BABAM2: variants seen among roughly 807,000 people sequenced by gnomAD.
BABAM2 encodes BRISC and BRCA1-A complex member 2.
BABAM2 carries 31 observed loss-of-function variants against 54.7 expected under a neutral mutation model. The ratio of observed to expected loss-of-function variants is 0.57; its 90% CI spans 0.43 to 0.77. BABAM2 has a LOEUF of 0.77. BABAM2 is among the 30% of genes least tolerant of loss of function. The pLI is 0.00. For missense variants in BABAM2, 364 were observed against 455.8 expected (o/e 0.80, Z 1.83); for synonymous variants, 167 against 162.9 (o/e 1.03, Z -0.19).
rs376605001 is a variant in BABAM2 at position 28,025,214 on chromosome 2, C to T, written c.301-12C>T. 1.5e-5 allele frequency: 23 copies of T among 1,567,370 alleles called. No individual in the cohort carries two copies. The African/African-American group carries it at 1.9e-4, about 13-fold the overall frequency. ...GTTTTAACTGGTCTTTTATTTGTTA[C>T]GACTTCTACAGAATCTTGCCTCCTG... On this transcript the variant is annotated splice_polypyrimidine_tract_variant and intron_variant, in intron 4 of 11. Transcript: ENST00000379624.
intron 1 of BABAM2, among the ~76,000 whole-genome samples, chr2:27,893,434 TTTG>T (rs1384605561): frequency 1.3e-5 from 2 of 152,214 alleles, no homozygotes; most frequent in Non-Finnish European, 2.9e-5. Context: ...CAAGTAGATT[TTTG>T]TTATATCTCT....
intron 7 of BABAM2, among the ~76,000 whole-genome samples, chr2:28,168,170 C>G (rs182981216): frequency 6.6e-6 from 1 of 152,160 alleles, no homozygotes; most frequent in Non-Finnish European, 1.5e-5. Context: ...GTAGAAGCTG[C>G]CTTTAACAAG....
chr2:27,910,506 T>C (rs1427992350), intron 2 of BABAM2, among the ~76,000 whole-genome samples: 1 of 152,206 alleles, frequency 6.6e-6, no homozygotes, highest in Non-Finnish European at 1.5e-5. Flanking sequence ...AACAGACTTG[T>C]GTAACTAGCA....
chr2:28,168,149 GT>G (rs1673914688), intron 7 of BABAM2, among the ~76,000 whole-genome samples: 1 of 152,152 alleles, frequency 6.6e-6, no homozygotes, highest in African/African-American at 2.4e-5. Context: ...AGGTGTTCCC[GT>G]GGTCTAGACG....
intron 7 of BABAM2, among the ~76,000 whole-genome samples, chr2:28,133,486 C>T (rs1390869423): frequency 6.6e-6 from 1 of 152,144 alleles, no homozygotes; most frequent in Non-Finnish European, 1.5e-5. Flanking sequence ...AGTCCCAAGC[C>T]CCATGCAGTG....
intron 3 of BABAM2, among the ~76,000 whole-genome samples, chr2:27,947,562 CATT>C (rs983117584): frequency 1.3e-5 from 2 of 152,058 alleles, no homozygotes; most frequent in African/African-American, 4.8e-5. Flanking sequence ...GGATTCTTAT[CATT>C]GAGTTTTGAG....
intron 6 of BABAM2, among the ~76,000 whole-genome samples, chr2:28,087,959 T>C (rs115916437): frequency 2.0e-5 from 3 of 152,240 alleles, no homozygotes; most frequent in Non-Finnish European, 4.4e-5. Flanking sequence ...CGAGGTTTTG[T>C]TTCTAATAAA....
intron 7 of BABAM2, among the ~76,000 whole-genome samples, chr2:28,183,512 TAA>T (rs1187024347): frequency 6.6e-6 from 1 of 152,144 alleles, no homozygotes; most frequent in Non-Finnish European, 1.5e-5. Context: ...AGGCCTGAAG[TAA>T]GCGAGCAATA....
chr2:27,974,584 TA>T (rs1027796514), intron 3 of BABAM2, among the ~76,000 whole-genome samples: 1 of 152,060 alleles, frequency 6.6e-6, no homozygotes, highest in African/African-American at 2.4e-5. Flanking sequence ...TAAATAGGAA[TA>T]AAAGGGAATT....
At chr2:28,037,292 C>T (rs1304467934) in intron 5 of BABAM2, among the ~76,000 whole-genome samples, 1 of 152,040 alleles carries the variant, frequency 6.6e-6, no homozygotes, top group African/African-American at 2.4e-5. Flanking sequence ...TATATTCCCC[C>T]TTTTTATGCA....
At chr2:28,117,570 C>T (rs1406293749) in intron 6 of BABAM2, among the ~76,000 whole-genome samples, 3 of 152,180 alleles carry the variant, frequency 2.0e-5, no homozygotes, top group Non-Finnish European at 4.4e-5. Flanking sequence ...CTCTTGCCTG[C>T]ACTTCTCCCA....
chr2:28,248,207 C>CTTTTTCTTTTTCTTTTTTTTTTTTTT (rs1553349503), intron 10 of BABAM2, among the ~76,000 whole-genome samples: 4 of 54,306 alleles, frequency 7.4e-5, no homozygotes, highest in Non-Finnish European at 1.5e-4. Context: ...TTTTCTTTTT[C>CTTTTTCTTTTTCTTTTTTTTTTTTTT]TTTTTTTTTT....
intron 11 of BABAM2, chr2:28,308,117 T>C: frequency 3.6e-6 from 1 of 274,276 alleles, no homozygotes; most frequent in South Asian, 4.9e-5. Context: ...CACAGCTGGC[T>C]TCTAGAGGAG....
intron 10 of BABAM2, among the ~76,000 whole-genome samples, chr2:28,291,951 A>G (rs1450341086): frequency 6.6e-6 from 1 of 152,256 alleles, no homozygotes; most frequent in Admixed American, 6.5e-5. Context: ...AAAAGTATAC[A>G]GATTGCTCTC....
intron 2 of BABAM2, among the ~76,000 whole-genome samples, chr2:27,925,574 G>T (rs1667631933): frequency 6.6e-6 from 1 of 152,128 alleles, no homozygotes; most frequent in South Asian, 2.1e-4. Flanking sequence ...GCTCCCAGCT[G>T]CCCTGGCCTT....
At position 27,962,901 on chromosome 2, in the gene BABAM2, G is replaced by A. The variant is rs1253871164; in HGVS notation, c.206-25092G>A. On this transcript the variant is annotated intron_variant, in intron 3 of 11. Transcript: ENST00000379624. ...TATCATTAAAAAGAATATTATCCAC[G>A]AGACAACATTACAGTGCTCATTCAA... Among the ~76,000 whole-genome samples, 3 of 152,088 alleles carry A rather than the reference G, an allele frequency of 2.0e-5. No homozygotes were observed. The East Asian group carries it at 5.8e-4, about 29-fold the overall frequency.
chr2:28,174,051 A>T (rs538806130), intron 7 of BABAM2, among the ~76,000 whole-genome samples: 1 of 152,332 alleles, frequency 6.6e-6, no homozygotes, highest in Admixed American at 6.5e-5. Flanking sequence ...GAGGGATGAG[A>T]TCCCTTGCTT....
intron 2 of BABAM2, among the ~76,000 whole-genome samples, chr2:27,905,415 C>T (rs1217099210): frequency 2.0e-5 from 3 of 152,142 alleles, no homozygotes; most frequent in Non-Finnish European, 4.4e-5. Flanking sequence ...GTCTCATAAC[C>T]TTTCGGTGCT....
chr2:27,968,053 G>A (rs976575326), intron 3 of BABAM2, among the ~76,000 whole-genome samples: 1 of 152,218 alleles, frequency 6.6e-6, no homozygotes, highest in African/African-American at 2.4e-5. Flanking sequence ...GCTGGCTGCA[G>A]AAATTTACAT....
Sources: gnomAD v4.1 joint callset for allele counts (sites outside exome capture counted in the v4.1 genomes callset) on GRCh38, gnomAD v4.1.1 for gene constraint, MANE v1.5 for transcripts, NCBI Gene and HGNC (gene_info 2026-07-23, HGNC 2026-07-21) for gene names.